The following SCFD2 variants were observed in gnomAD, a reference collection of about 807,000 sequenced individuals.
SCFD2 encodes sec1 family domain-containing protein 2.
In SCFD2, 54 loss-of-function variants were observed where a neutral mutation model predicts 58.9. The ratio of observed to expected loss-of-function variants is 0.92; its 90% CI spans 0.74 to 1.15. The LOEUF (loss-of-function observed/expected upper bound fraction) is 1.15. Among genes scored for constraint, SCFD2 ranks in the 50% most tolerant of loss-of-function variants. The probability of loss-of-function intolerance (pLI) is 0.00; values close to 1 mark genes in which losing one functional copy is unlikely to be tolerated. For synonymous variants in SCFD2, 321 were observed against 335.9 expected, an observed-to-expected ratio of 0.96 and a Z score of 0.49; for missense variants, 805 against 836.6, an observed-to-expected ratio of 0.96 and a Z score of 0.47.
At chr4:52,952,270 C>T (rs1440882419) in intron 5 of SCFD2, among the ~76,000 whole-genome samples, 2 of 149,298 alleles carry the variant, frequency 1.3e-5, no homozygotes, top group Non-Finnish European at 3.0e-5. Context: ...CCCCCATCCC[C>T]TCTCACACCC....
chr4:53,179,434 T>C (rs1445390481), intron 4 of SCFD2, among the ~76,000 whole-genome samples: 1 of 152,100 alleles, frequency 6.6e-6, no homozygotes, highest in Non-Finnish European at 1.5e-5. Context: ...TAAAACACTT[T>C]ACAGACAAGC....
chr4:53,030,170 C>T (rs571186035), intron 5 of SCFD2, among the ~76,000 whole-genome samples: 2 of 152,064 alleles, frequency 1.3e-5, no homozygotes, highest in African/African-American at 4.8e-5. Flanking sequence ...AATATTTGAA[C>T]TGATACTTTA....
chr4:53,147,777 G>A (rs1474021453), intron 4 of SCFD2, among the ~76,000 whole-genome samples: 1 of 152,162 alleles, frequency 6.6e-6, no homozygotes, highest in South Asian at 2.1e-4. Context: ...GACAGATGAT[G>A]AGTTTTTTAA....
At chr4:53,268,137 C>G (rs1467343095) in intron 4 of SCFD2, among the ~76,000 whole-genome samples, 2 of 151,978 alleles carry the variant, frequency 1.3e-5, no homozygotes, top group Non-Finnish European at 2.9e-5. Context: ...AGAGGGTGTC[C>G]ACAGGGGAGA....
chr4:53,286,365 G>A (rs1731669171), intron 3 of SCFD2, among the ~76,000 whole-genome samples: 1 of 152,036 alleles, frequency 6.6e-6, no homozygotes, highest in African/African-American at 2.4e-5. Context: ...GGGACACAAA[G>A]CCCTAGCCCA....
intron 3 of SCFD2, among the ~76,000 whole-genome samples, chr4:53,305,427 C>A (rs1414887586): frequency 2.0e-5 from 3 of 151,976 alleles, no homozygotes; most frequent in African/African-American, 7.2e-5. Flanking sequence ...ATCTTGATGC[C>A]CTTGTCAAAT....
intron 4 of SCFD2, among the ~76,000 whole-genome samples, chr4:53,230,172 T>A (rs1270290499): frequency 6.6e-6 from 1 of 152,178 alleles, no homozygotes; most frequent in African/African-American, 2.4e-5. Flanking sequence ...ACACTGTTGG[T>A]GGGATTGTAA....
At chr4:53,279,680 T>C (rs1731446557) in intron 3 of SCFD2, among the ~76,000 whole-genome samples, 1 of 152,178 alleles carries the variant, frequency 6.6e-6, no homozygotes, top group Admixed American at 6.5e-5. Context: ...CACTGTTATA[T>C]AAAGAAATAC....
intron 5 of SCFD2, among the ~76,000 whole-genome samples, chr4:52,985,555 G>C (rs1721470212): frequency 6.6e-6 from 1 of 151,792 alleles, no homozygotes; most frequent in Non-Finnish European, 1.5e-5. Context: ...GCACCATATA[G>C]CAGCATATTA....
At chr4:52,944,584 T>C (rs1720376556) in intron 5 of SCFD2, among the ~76,000 whole-genome samples, 1 of 152,226 alleles carries the variant, frequency 6.6e-6, no homozygotes, top group African/African-American at 2.4e-5. Context: ...GAATTACCTA[T>C]GTCTGTTGTT....
intron 5 of SCFD2, among the ~76,000 whole-genome samples, chr4:52,923,540 A>C (rs1719793732): frequency 1.3e-5 from 2 of 151,488 alleles, no homozygotes; most frequent in African/African-American, 2.4e-5. Flanking sequence ...TCAGTGAGAA[A>C]ATGCCTCCTC....
chr4:53,287,385 C>T (rs1731702596), intron 3 of SCFD2, among the ~76,000 whole-genome samples: 1 of 152,134 alleles, frequency 6.6e-6, no homozygotes, highest in African/African-American at 2.4e-5. Flanking sequence ...AATAGAAAAA[C>T]CCTACCCTTA....
At chr4:53,084,570 AT>A (rs1395888483) in intron 5 of SCFD2, among the ~76,000 whole-genome samples, 5 of 152,240 alleles carry the variant, frequency 3.3e-5, no homozygotes, top group African/African-American at 1.2e-4. Context: ...ATAAGAAATT[AT>A]AAAAGTATTA....
chr4:52,917,092 A>C (rs1196152056), intron 6 of SCFD2, among the ~76,000 whole-genome samples: 1 of 152,080 alleles, frequency 6.6e-6, no homozygotes, highest in African/African-American at 2.4e-5. Context: ...ATTTTTTTAG[A>C]GATGGAGTCT....
intron 5 of SCFD2, among the ~76,000 whole-genome samples, chr4:52,928,774 T>C (rs1042627874): frequency 5.3e-5 from 8 of 152,116 alleles, no homozygotes; most frequent in Non-Finnish European, 1.2e-4. Flanking sequence ...CATGCTCCAG[T>C]GGGAGCAGAG....
intron 2 of SCFD2, among the ~76,000 whole-genome samples, chr4:53,331,729 C>T (rs1489442755): frequency 2.0e-5 from 3 of 151,946 alleles, no homozygotes; most frequent in Admixed American, 1.3e-4. Context: ...TAGCAGAAGG[C>T]AAGAAATAAC....
At chr4:53,159,231 T>C (rs1726780707) in intron 4 of SCFD2, among the ~76,000 whole-genome samples, 2 of 152,206 alleles carry the variant, frequency 1.3e-5, no homozygotes, top group East Asian at 3.8e-4. Context: ...GATTATCTCA[T>C]TTAGTCCTCC....
intron 5 of SCFD2, among the ~76,000 whole-genome samples, chr4:53,043,370 G>A (rs4864716): frequency 0.026 from 3,991 of 152,240 alleles, 81 homozygotes; most frequent in African/African-American, 0.054. Flanking sequence ...ACTAACAAAT[G>A]TAAATAAATT....
chr4:53,208,122 AT>A (rs1038554386), intron 4 of SCFD2, among the ~76,000 whole-genome samples: 31 of 151,414 alleles, frequency 2.0e-4, no homozygotes, highest in African/African-American at 7.5e-4. Context: ...ATGCCCAGCA[AT>A]TTTTTTCTTT....
Sources: gnomAD v4.1 joint callset for allele counts (sites outside exome capture counted in the v4.1 genomes callset) on GRCh38, gnomAD v4.1.1 for gene constraint, MANE v1.5 for transcripts, NCBI Gene and HGNC (gene_info 2026-07-23, HGNC 2026-07-21) for gene names.